The following SIRT1 variants were observed in gnomAD, a reference collection of about 807,000 sequenced individuals.
SIRT1 encodes NAD-dependent protein deacetylase sirtuin-1.
SIRT1 carries 24 observed loss-of-function variants against 67.9 expected under a neutral mutation model. The ratio of observed to expected loss-of-function variants is 0.35; its 90% CI spans 0.26 to 0.50. The LOEUF (loss-of-function observed/expected upper bound fraction) is 0.50. Ranked by LOEUF, SIRT1 falls within the 20% of genes least tolerant of loss-of-function variation. The pLI is 0.98. For synonymous variants in SIRT1, 378 were observed against 350.7 expected, an observed-to-expected ratio of 1.08 and a Z score of -0.87; for missense variants, 873 against 937.2, an observed-to-expected ratio of 0.93 and a Z score of 0.89.
At chr10:67,891,921 C>T (rs189656657) in intron 4 of SIRT1, among the ~76,000 whole-genome samples, 1 of 152,236 alleles carries the variant, frequency 6.6e-6, no homozygotes, top group East Asian at 1.9e-4. Flanking sequence ...TTTGGTGTTT[C>T]GTAGTCAAGT....
intron 4 of SIRT1, among the ~76,000 whole-genome samples, chr10:67,893,841 C>CG (rs1842612290): frequency 6.6e-6 from 1 of 152,226 alleles, no homozygotes; most frequent in African/African-American, 2.4e-5. Context: ...CCGCGCCCCG[C>CG]GCCCTGCCGA....
chr10:67,912,683 T>C lies in SIRT1; in HGVS notation c.1567T>C (p.Tyr523His), dbSNP rs1842917973. 6.2e-7 allele frequency: 1 copy of C among 1,614,006 alleles called. No homozygotes were observed. The highest frequency in any genetic ancestry group is 1.1e-5 in the South Asian group (1 of 91,090). The change falls in exon 8 of 9, where the codon TAT (tyrosine) becomes CAT (histidine). Residue 523 changes from tyrosine (Y) to histidine (H), a missense_variant. Coordinates refer to ENST00000212015, the MANE Select transcript of SIRT1 (RefSeq NM_012238.5). ...KPPRTQKELA[Y>H]LSELPPTPLH... is the part of the protein sequence containing the mutation. ...TCCACGAACACAAAAAGAATTGGCTTATTTGTCAGAGTTGCCACCCACACC... is the reference window on the plus strand; with the variant it reads ...TCCACGAACACAAAAAGAATTGGCTCATTTGTCAGAGTTGCCACCCACACC...
intron 4 of SIRT1, among the ~76,000 whole-genome samples, chr10:67,902,960 G>A (rs980314660): frequency 4.6e-5 from 7 of 152,042 alleles, no homozygotes; most frequent in Non-Finnish European, 8.8e-5. Context: ...ATGTGGTGGC[G>A]CGCACCTGTA....
At chr10:67,899,098 C>A (rs1258766856) in intron 4 of SIRT1, among the ~76,000 whole-genome samples, 1 of 151,944 alleles carries the variant, frequency 6.6e-6, no homozygotes, top group Admixed American at 6.6e-5. Context: ...TGTCAAAGTT[C>A]TTCTTTAAGC....
intron 4 of SIRT1, among the ~76,000 whole-genome samples, chr10:67,896,178 C>T (rs1842655130): frequency 6.6e-6 from 1 of 152,140 alleles, no homozygotes; most frequent in Non-Finnish European, 1.5e-5. Flanking sequence ...GAGATAGTTT[C>T]ACTCTGTCGA....
chr10:67,902,789 C>G (rs1277207278), intron 4 of SIRT1, among the ~76,000 whole-genome samples: 9 of 152,134 alleles, frequency 5.9e-5, no homozygotes, highest in Non-Finnish European at 1.3e-4. Flanking sequence ...TCTAAAAATT[C>G]TGATTTTTAA....
chr10:67,898,355 C>T (rs1842692098), intron 4 of SIRT1, among the ~76,000 whole-genome samples: 1 of 151,832 alleles, frequency 6.6e-6, no homozygotes, highest in African/African-American at 2.4e-5. Flanking sequence ...TGTTCTTTCC[C>T]TAGTGATTAA....
chr10:67,906,007 A>G (rs1412448692), intron 4 of SIRT1: 1 of 521,040 alleles, frequency 1.9e-6, no homozygotes, highest in Admixed American at 4.3e-5. Context: ...TAGCACTACT[A>G]CTTTGAAGGA....
chr10:67,887,280 G>C (rs1842498205), intron 1 of SIRT1, 137 bp from the exon 2 acceptor site: 1 of 618,986 alleles, frequency 1.6e-6, no homozygotes, highest in African/African-American at 1.8e-5. Context: ...AGTGCAAGCT[G>C]ACCCCATAGG....
At chr10:67,915,401 A>G (rs1467568) in intron 8 of SIRT1, among the ~76,000 whole-genome samples, 70,556 of 152,148 alleles carry the variant, frequency 0.46, 20,629 homozygotes, top group Non-Finnish European at 0.66. Context: ...TAAACCCCAA[A>G]TGGCCAAGCT....
intron 4 of SIRT1, among the ~76,000 whole-genome samples, chr10:67,900,436 C>T (rs889968912): frequency 2.0e-5 from 3 of 151,992 alleles, no homozygotes; most frequent in Non-Finnish European, 2.9e-5. Flanking sequence ...TGAGCCGCCG[C>T]GCTTGGCTCA....
chr10:67,904,733 A>G (rs777278295), intron 4 of SIRT1, among the ~76,000 whole-genome samples: 1 of 151,984 alleles, frequency 6.6e-6, no homozygotes, highest in East Asian at 1.9e-4. Context: ...AATCCCAGCT[A>G]TTCAGGAAGC....
intron 7 of SIRT1, among the ~76,000 whole-genome samples, chr10:67,911,765 T>G (rs1044981627): frequency 8.8e-5 from 13 of 148,246 alleles, no homozygotes; most frequent in Admixed American, 4.7e-4. Context: ...CTGTCCGTCC[T>G]TCCTTCCTCC....
intron 7 of SIRT1, among the ~76,000 whole-genome samples, chr10:67,910,875 C>CT (rs1250841052): frequency 2.2e-4 from 34 of 152,216 alleles, no homozygotes; most frequent in African/African-American, 7.9e-4. Flanking sequence ...CAGATGTGTC[C>CT]TTTCATAAGT....
chr10:67,892,274 A>G (rs1040945561), intron 4 of SIRT1, among the ~76,000 whole-genome samples: 2 of 152,220 alleles, frequency 1.3e-5, no homozygotes, highest in Admixed American at 6.5e-5. Context: ...ATTGGGTTAA[A>G]TAAAATGTAT....
chr10:67,909,931 C>T (rs1842873882), intron 7 of SIRT1, among the ~76,000 whole-genome samples: 2 of 152,016 alleles, frequency 1.3e-5, no homozygotes, highest in African/African-American at 4.8e-5. Flanking sequence ...AGGCTGGATT[C>T]GAACTCCTGG....
chr10:67,893,577 C>G (rs1248795159), intron 4 of SIRT1, among the ~76,000 whole-genome samples: 2 of 144,284 alleles, frequency 1.4e-5, no homozygotes, highest in African/African-American at 5.2e-5. Context: ...GAGTCTGGCT[C>G]TGTTTCCCAG....
intron 4 of SIRT1, among the ~76,000 whole-genome samples, chr10:67,892,956 A>G (rs1310957780): frequency 6.6e-6 from 1 of 152,236 alleles, no homozygotes; most frequent in Non-Finnish European, 1.5e-5. Flanking sequence ...TATGTCTCAC[A>G]TTATGTACCT....
At chr10:67,915,990 TATTTA>T (rs1421892400) in intron 8 of SIRT1, among the ~76,000 whole-genome samples, 1 of 152,182 alleles carries the variant, frequency 6.6e-6, no homozygotes, top group African/African-American at 2.4e-5. Flanking sequence ...TGCTTGTATT[TATTTA>T]ATTAATTAAT....
Sources: allele counts gnomAD v4.1 joint callset (sites outside exome capture counted in the v4.1 genomes callset), GRCh38; gene constraint gnomAD v4.1.1; transcripts MANE v1.5; gene names NCBI Gene and HGNC (gene_info 2026-07-23, HGNC 2026-07-21).